FRMD4A: variants seen among roughly 807,000 people sequenced by gnomAD.
FRMD4A encodes FERM domain-containing protein 4A.
FRMD4A carries 29 observed loss-of-function variants against 129.1 expected under a neutral mutation model. That is an observed-to-expected ratio of 0.22 (90% CI 0.17 to 0.31). FRMD4A has a LOEUF of 0.31. FRMD4A is among the 10% of genes least tolerant of loss of function. FRMD4A has a pLI of 1.00. For synonymous variants in FRMD4A, 634 were observed against 571.6 expected, an observed-to-expected ratio of 1.11 and a Z score of -1.56; for missense variants, 1,272 against 1,375.8, an observed-to-expected ratio of 0.92 and a Z score of 1.19.
rs574178250 is a variant in FRMD4A, at chr10:13,763,104, A to G, written c.385-424T>C. 3.3e-4 allele frequency among the ~76,000 whole-genome samples: 50 copies of G among 152,238 alleles called. No homozygotes were observed. In the South Asian group the frequency reaches 9.3e-3, roughly 28 times the overall value. ...AATTATTCAGTCCTAAACACTCCCA[A>G]CATCGTTTTTACTGCTCTTAGCTGG... On this transcript the variant is annotated intron_variant, in intron 6 of 24. Transcript: ENST00000357447.
chr10:14,272,023 C>T (rs564451972), intron 2 of FRMD4A, among the ~76,000 whole-genome samples: 47 of 152,134 alleles, frequency 3.1e-4, no homozygotes, highest in African/African-American at 1.0e-3. Flanking sequence ...TGCCCAACCA[C>T]ACTGGCAAAG....
At chr10:13,703,523 A>T (rs1288025749) in intron 13 of FRMD4A, among the ~76,000 whole-genome samples, 2 of 152,178 alleles carry the variant, frequency 1.3e-5, no homozygotes, top group African/African-American at 4.8e-5. Context: ...TTACATCTTC[A>T]TTAAATGACC....
intron 2 of FRMD4A, among the ~76,000 whole-genome samples, chr10:14,248,122 C>T (rs1412224394): frequency 1.3e-5 from 2 of 152,148 alleles, no homozygotes; most frequent in Admixed American, 1.3e-4. Flanking sequence ...AATTGAGCAC[C>T]TGCTGTATGG....
chr10:13,826,342 C>T (rs963408863), intron 3 of FRMD4A, among the ~76,000 whole-genome samples: 1 of 152,186 alleles, frequency 6.6e-6, no homozygotes, highest in East Asian at 1.9e-4. Flanking sequence ...GAACGCAGGC[C>T]ACTTCCCTTG....
intron 3 of FRMD4A, among the ~76,000 whole-genome samples, chr10:13,814,041 A>G (rs2093493499): frequency 6.6e-6 from 1 of 152,150 alleles, no homozygotes; most frequent in African/African-American, 2.4e-5. Flanking sequence ...AGATTTGTCA[A>G]CGCGTTTTCA....
chr10:13,939,128 C>T (rs1565077131), intron 2 of FRMD4A, among the ~76,000 whole-genome samples: 1 of 152,184 alleles, frequency 6.6e-6, no homozygotes. Context: ...AAGGCAAGAC[C>T]ATTGAAACAG....
chr10:13,951,228 G>A (rs2131334568), intron 2 of FRMD4A, among the ~76,000 whole-genome samples: 1 of 152,284 alleles, frequency 6.6e-6, no homozygotes, highest in South Asian at 2.1e-4. Flanking sequence ...GACAGCAGGA[G>A]CAGAGGTCAA....
intron 2 of FRMD4A, among the ~76,000 whole-genome samples, chr10:14,238,331 G>A (rs1279916193): frequency 6.6e-6 from 1 of 152,178 alleles, no homozygotes; most frequent in Non-Finnish European, 1.5e-5. Flanking sequence ...TCCAGGTAAT[G>A]AGTCCAGGCC....
chr10:13,811,345 C>T (rs2093442216), intron 3 of FRMD4A, among the ~76,000 whole-genome samples: 1 of 148,962 alleles, frequency 6.7e-6, no homozygotes, highest in African/African-American at 2.5e-5. Context: ...GTTGGCCAGG[C>T]TGGTCTCTAA....
intron 2 of FRMD4A, among the ~76,000 whole-genome samples, chr10:14,089,675 A>C (rs1836544955): frequency 3.9e-5 from 6 of 151,914 alleles, no homozygotes; most frequent in Admixed American, 3.9e-4. Context: ...AAATAAAAGA[A>C]CCAGACTGTA....
chr10:14,267,653 C>A (rs1237258895), intron 2 of FRMD4A, among the ~76,000 whole-genome samples: 1 of 152,160 alleles, frequency 6.6e-6, no homozygotes, highest in Non-Finnish European at 1.5e-5. Flanking sequence ...TTTAAAACTA[C>A]AAATAAGTCT....
chr10:14,028,357 T>C (rs1314045441), intron 2 of FRMD4A, among the ~76,000 whole-genome samples: 6 of 152,170 alleles, frequency 3.9e-5, no homozygotes, highest in African/African-American at 1.4e-4. Context: ...TAATCTTACA[T>C]TATTTTTTCT....
chr10:13,922,887 G>A (rs537151433), intron 2 of FRMD4A, among the ~76,000 whole-genome samples: 15 of 152,180 alleles, frequency 9.9e-5, no homozygotes, highest in Admixed American at 5.2e-4. Flanking sequence ...GTAATTGTCT[G>A]CAATAAATAG....
chr10:14,208,048 T>A (rs1377010564), intron 2 of FRMD4A, among the ~76,000 whole-genome samples: 3 of 151,870 alleles, frequency 2.0e-5, no homozygotes, highest in African/African-American at 7.3e-5. Context: ...AATGCAAAAC[T>A]TAGTCAGGCA....
chr10:13,799,658 G>A (rs868849992), intron 4 of FRMD4A, among the ~76,000 whole-genome samples: 5 of 152,098 alleles, frequency 3.3e-5, no homozygotes, highest in South Asian at 2.1e-4. Flanking sequence ...TATGGCATGC[G>A]CCTGGCCTTC....
chr10:13,793,925 T>G (rs192465925), intron 5 of FRMD4A, among the ~76,000 whole-genome samples: 37 of 152,282 alleles, frequency 2.4e-4, no homozygotes, highest in Admixed American at 1.4e-3. Flanking sequence ...GTTTTGTTAC[T>G]GCACTTCTTG....
chr10:14,184,299 T>G (rs1439677212), intron 2 of FRMD4A, among the ~76,000 whole-genome samples: 1 of 121,386 alleles, frequency 8.2e-6, no homozygotes, highest in African/African-American at 3.2e-5. Context: ...AACCGGTTAA[T>G]TTTTTTTTTT....
intron 14 of FRMD4A, 90 bp downstream of exon 14, chr10:13,701,250 C>T (rs2086804206): frequency 8.2e-7 from 1 of 1,225,804 alleles, no homozygotes; most frequent in Admixed American, 1.8e-5. Flanking sequence ...GGGCAAGGGA[C>T]ATGGCGCCTC....
Position 14,039,407 on chromosome 10 carries a change from C to CATCTATCTATCTATCTATCT in FRMD4A, c.46-180515_46-180496dup, listed in dbSNP as rs1265069563. Among the ~76,000 whole-genome samples the CATCTATCTATCTATCTATCT allele has an allele frequency of 7.5e-3, 1,108 of 147,752 alleles. 30 individuals carry two copies. The highest frequency in any genetic ancestry group is 0.027 in the African/African-American group (1,039 of 38,644). ...CCATCCATCCATCCATCCATCCATC[C>CATCTATCTATCTATCTATCT]ATCTATCTATCTATCTATCTATCTA... On this transcript the variant is annotated intron_variant, in intron 2 of 24. Coordinates refer to ENST00000357447, the MANE Select transcript of FRMD4A (RefSeq NM_018027.5).
Sources: gnomAD v4.1 joint callset for allele counts (sites outside exome capture counted in the v4.1 genomes callset) on GRCh38, gnomAD v4.1.1 for gene constraint, MANE v1.5 for transcripts, NCBI Gene and HGNC (gene_info 2026-07-23, HGNC 2026-07-21) for gene names.